Variants in REST observed in about 807,000 individuals in gnomAD.
REST encodes the protein RE1-silencing transcription factor.
A neutral mutation model predicts 30.4 loss-of-function variants in REST; 1 was observed. The observed-to-expected ratio is 0.03, with a 90% confidence interval of 0.01 to 0.16. The LOEUF (loss-of-function observed/expected upper bound fraction) is 0.16, where lower values mean the gene tolerates loss of function less well. Among genes scored for constraint, REST ranks in the 10% least tolerant of loss-of-function variants. The pLI is 1.00. For synonymous variants in REST, 504 were observed against 451.1 expected, an observed-to-expected ratio of 1.12 and a Z score of -1.49; for missense variants, 1,259 against 1,329.5, an observed-to-expected ratio of 0.95 and a Z score of 0.82.
Position 56,930,767 on chromosome 4 carries a change from G to T in REST, c.1909G>T (p.Ala637Ser), listed in dbSNP as rs201189406. The change falls in exon 4 of 4, where the codon GCT becomes TCT. Residue 637 changes from alanine to serine, a missense_variant. Around this residue, in one of 5 missense-constraint regions of REST, gnomAD observed 856 missense variants for 772.8 expected, o/e 1.11. Transcript: ENST00000309042. ...GGAGCCGCCACCTCCCATGGAGCAT[G>T]CTCAGATGGAGGGTGCCCAGATACG... ...QVEPPPPMEH[A>S]QMEGAQIRPA... The T allele has an allele frequency of 1.4e-5, 22 of 1,604,820 alleles. No individual in the cohort carries two copies. In the African/African-American group the frequency reaches 2.6e-4, roughly 19 times the overall value.
intron 1 of REST, among the ~76,000 whole-genome samples, chr4:56,908,421 G>A (rs1048016233): frequency 2.0e-5 from 3 of 151,974 alleles, no homozygotes; most frequent in Admixed American, 2.0e-4. Context: ...GCCGCCCGGG[G>A]GCTGGGGGCG....
At chr4:56,917,555 A>G (rs1311070862) in intron 2 of REST, among the ~76,000 whole-genome samples, 3 of 152,170 alleles carry the variant, frequency 2.0e-5, no homozygotes, top group East Asian at 3.9e-4. Context: ...GACAAAATTG[A>G]TAGCTTACAT....
At chr4:56,924,206 T>C (rs930124761) in intron 3 of REST, among the ~76,000 whole-genome samples, 2 of 152,184 alleles carry the variant, frequency 1.3e-5, no homozygotes, top group African/African-American at 2.4e-5. Flanking sequence ...CAAGGGACTT[T>C]TAAATAGCTG....
chr4:56,921,041 T>A (rs1720425075), intron 3 of REST, among the ~76,000 whole-genome samples: 1 of 151,818 alleles, frequency 6.6e-6, no homozygotes, highest in Non-Finnish European at 1.5e-5. Context: ...GATTCTTGTA[T>A]TTTTAGTAGA....
chr4:56,918,684 A>G (rs927182250), intron 2 of REST, among the ~76,000 whole-genome samples: 1 of 151,964 alleles, frequency 6.6e-6, no homozygotes, highest in Non-Finnish European at 1.5e-5. Flanking sequence ...CAGCCTCCCA[A>G]GTGAGACTAC....
At position 56,932,123 on chromosome 4, in the gene REST, C is replaced by T. The variant is rs1410495744; in HGVS notation, c.3265C>T (p.Leu1089Phe). 1.2e-6 allele frequency: 2 copies of T among 1,610,624 alleles called. No homozygotes were observed. The highest frequency in any genetic ancestry group is 1.7e-6 in the Non-Finnish European group (2 of 1,177,578). ...LNRHLVNVYY[L>F]EEAAQGQE ...TCGCCATTTGGTTAATGTGTACTAT[C>T]TTGAAGAAGCAGCTCAAGGGCAGGA... Residue 1089 changes from leucine to phenylalanine, a missense_variant, in exon 4 of 4, where the codon CTT (leucine) becomes TTT (phenylalanine). Physicochemically the swap from Leu to Phe is conservative, Grantham distance 22. Around this residue, in one of 5 missense-constraint regions of REST, gnomAD observed 25 missense variants for 33.2 expected, o/e 0.75. Coordinates refer to ENST00000309042, the MANE Select transcript of REST (RefSeq NM_005612.5).
chr4:56,915,018 A>G (rs1206037765), intron 2 of REST, among the ~76,000 whole-genome samples: 1 of 138,278 alleles, frequency 7.2e-6, no homozygotes, highest in Non-Finnish European at 1.5e-5. Context: ...TCCGCCTCCC[A>G]GGTACAAGCA....
intron 2 of REST, among the ~76,000 whole-genome samples, chr4:56,916,992 C>A (rs1294300745): frequency 1.3e-5 from 2 of 151,942 alleles, no homozygotes; most frequent in Non-Finnish European, 2.9e-5. Context: ...GTGAGGGTTC[C>A]AATTTCAGCA....
rs1720196214 is a variant in REST at position 56,916,402 on chromosome 4, C to G, written c.899-3385C>G. 2.6e-5 allele frequency among the ~76,000 whole-genome samples: 4 copies of G among 152,264 alleles called. No homozygotes were observed. In the South Asian group the frequency reaches 8.3e-4, roughly 32 times the overall value. ...GCAGGCTGGGCGAGATGGCTCATGC[C>G]TGTAATCCCAGCACCTTGGGAGGCA... On this transcript the variant is annotated intron_variant, in intron 2 of 3. Transcript: ENST00000309042.
At chr4:56,916,929 G>A (rs565450005) in intron 2 of REST, among the ~76,000 whole-genome samples, 7 of 152,184 alleles carry the variant, frequency 4.6e-5, no homozygotes, top group Admixed American at 1.3e-4. Flanking sequence ...TTGGGTAATT[G>A]CCAAACTGTT....
intron 3 of REST, 29 bp from the exon 4 acceptor site, chr4:56,929,812 C>G (rs1047105530): frequency 6.4e-6 from 10 of 1,561,484 alleles, no homozygotes; most frequent in Non-Finnish European, 8.6e-6. Context: ...TAATCTATGT[C>G]TTCTCTCATA....
intron 3 of REST, among the ~76,000 whole-genome samples, chr4:56,920,742 GA>G (rs1720408620): frequency 6.6e-6 from 1 of 151,884 alleles, no homozygotes; most frequent in African/African-American, 2.4e-5. Context: ...ACTCTATCTT[GA>G]AAAAAAAGTC....
In REST at chr4:56,931,158, C is replaced by G. The variant is rs145232477; in HGVS notation, c.2300C>G (p.Pro767Arg). The G allele has an allele frequency of 6.2e-7, 1 of 1,608,178 alleles. No homozygotes were observed. The highest frequency in any genetic ancestry group is 1.7e-5 in the Admixed American group (1 of 59,750). ...QKEPVKIELSPPIEVVQKEPV... is the reference protein window; with the variant it reads ...QKEPVKIELSRPIEVVQKEPV... ...GAACCTGTTAAGATAGAGCTGTCTC[C>G]TCCCATAGAGGTGGTCCAGAAGGAG... The change falls in exon 4 of 4, where the codon CCT (proline) becomes CGT (arginine). Residue 767 changes from proline (P) to arginine (R), a missense_variant. By Grantham distance (103) the Pro-to-Arg change is moderately radical (BLOSUM62 -2). Coordinates refer to ENST00000309042, the MANE Select transcript of REST (RefSeq NM_005612.5).
At position 56,932,089 on chromosome 4, in the gene REST, A is replaced by G; in HGVS notation, c.3231A>G (p.Lys1077=). The change falls in exon 4 of 4, where the codon AAA becomes AAG. Residue 1077 remains lysine (K), a synonymous_variant. Coordinates refer to ENST00000309042, the MANE Select transcript of REST (RefSeq NM_005612.5). The stretch of plus-strand genomic sequence containing the variant: ...TCAGAAAGGGAAAAGATTACAGCAA[A>G]CACCTCAATCGCCATTTGGTTAATG... ...RSFRKGKDYS[K]HLNRHLVNVY... is the part of the protein sequence containing the mutation. The G allele has an allele frequency of 1.2e-6, 2 of 1,614,248 alleles. No individual in the cohort carries two copies. Among genetic ancestry groups the G allele is most frequent in the Non-Finnish European group, 1.7e-6 (2 of 1,180,044 alleles).
rs772110771 is a variant in REST, at chr4:56,930,405, C to T, written c.1547C>T (p.Thr516Ile). 6.2e-7 allele frequency: 1 copy of T among 1,613,792 alleles called. No individual in the cohort carries two copies. Among genetic ancestry groups the T allele is most frequent in the Non-Finnish European group, 8.5e-7 (1 of 1,179,954 alleles). Residue 516 changes from threonine to isoleucine, a missense_variant, in exon 4 of 4, where the codon ACT becomes ATT. This residue lies in a region of REST where 856 missense variants were observed against 772.8 expected (regional missense o/e 1.11). Coordinates refer to ENST00000309042, the MANE Select transcript of REST (RefSeq NM_005612.5). ...AGCAATTCAGAAAAATTCAGTAAAA[C>T]TAAGAAAAGCAAAAGGAAGCTGGAA... ...TGSNSEKFSK[T>I]KKSKRKLEVD...
intron 2 of REST, 67 bp downstream of exon 2, chr4:56,911,603 A>AG: frequency 7.5e-7 from 1 of 1,331,158 alleles, no homozygotes; most frequent in South Asian, 1.4e-5. Context: ...TGGTTAGTTA[A>AG]GTAGTGCTTG....
intron 3 of REST, among the ~76,000 whole-genome samples, chr4:56,921,295 T>C (rs1403700271): frequency 2.0e-5 from 3 of 152,348 alleles, no homozygotes; most frequent in African/African-American, 4.8e-5. Context: ...AGATCTGTGC[T>C]ATTCGCTTGA....
At chr4:56,925,574 G>T (rs1720664814) in intron 3 of REST, among the ~76,000 whole-genome samples, 1 of 152,046 alleles carries the variant, frequency 6.6e-6, no homozygotes, top group Non-Finnish European at 1.5e-5. Context: ...TTCCCCTTTT[G>T]TCTTGGCTTA....
Position 56,911,201 on chromosome 4 carries a change from T to A in REST, c.563T>A (p.Val188Glu). The A allele has an allele frequency of 1.2e-6, 2 of 1,614,164 alleles. No homozygotes were observed. Among genetic ancestry groups the A allele is most frequent in the Non-Finnish European group, 8.5e-7 (1 of 1,180,034 alleles). ...GTTCACAGTGCTAAGAAATTTTTTGTGGAAGAGAGTGCAGAGAAGCAGGCA... is the reference window on the plus strand; with the variant it reads ...GTTCACAGTGCTAAGAAATTTTTTGAGGAAGAGAGTGCAGAGAAGCAGGCA... ...IRVHSAKKFF[V>E]EESAEKQAKA... The change falls in exon 2 of 4, where the codon GTG (valine) becomes GAG (glutamate). Residue 188 changes from valine to glutamate, a missense_variant. Around this residue, in one of 5 missense-constraint regions of REST, gnomAD observed 249 missense variants for 251.5 expected, o/e 0.99. Transcript: ENST00000309042.
Sources: gnomAD v4.1 joint callset for allele counts (sites outside exome capture counted in the v4.1 genomes callset) on GRCh38, gnomAD v4.1.1 for gene constraint, gnomAD v4.1.1 regional missense constraint, MANE v1.5 for transcripts, NCBI Gene and HGNC (gene_info 2026-07-23, HGNC 2026-07-21) for gene names.